Variants in ZNF714 observed in about 807,000 individuals in gnomAD.
ZNF714 encodes the protein zinc finger protein 714.
Under a neutral mutation model 46.2 loss-of-function variants are expected in ZNF714, and 32 were observed. That is an observed-to-expected ratio of 0.69 (90% CI 0.52 to 0.93). The LOEUF is 0.93. Ranked by LOEUF, ZNF714 falls within the 40% of genes least tolerant of loss-of-function variation. ZNF714 has a pLI of 0.00. For synonymous variants in ZNF714, 199 were observed against 213.1 expected (o/e 0.93, Z 0.58); for missense variants, 635 against 646.3 (o/e 0.98, Z 0.19).
At chr19:21,094,129 T>C (rs2144834818) in intron 2 of ZNF714, among the ~76,000 whole-genome samples, 1 of 152,330 alleles carries the variant, frequency 6.6e-6, no homozygotes, top group South Asian at 2.1e-4. Context: ...TAGCTGGGAC[T>C]ACAGGCACAT....
Position 21,117,497 on chromosome 19 carries a change from T to C in ZNF714, c.833T>C (p.Ile278Thr). 6.2e-7 allele frequency: 1 copy of C among 1,609,376 alleles called. No homozygotes were observed. The highest frequency in any genetic ancestry group is 8.5e-7 in the Non-Finnish European group (1 of 1,177,256). The change falls in exon 5 of 5, where the codon ATT (isoleucine) becomes ACT (threonine). Residue 278 changes from isoleucine (I) to threonine (T), a missense_variant. Transcript: ENST00000456283. Reference protein sequence around the residue: ...HPSALTTHKFIHVKEKPYKCE... With the variant: ...HPSALTTHKFTHVKEKPYKCE... Reference sequence around the variant, plus strand: ...TCAGCCCTTACTACACATAAGTTCATTCATGTTAAAGAAAAACCCTACAAA... The same window carrying C: ...TCAGCCCTTACTACACATAAGTTCACTCATGTTAAAGAAAAACCCTACAAA...
intron 2 of ZNF714, among the ~76,000 whole-genome samples, chr19:21,093,357 C>T (rs779557388): frequency 1.3e-5 from 2 of 152,000 alleles, no homozygotes; most frequent in African/African-American, 2.4e-5. Flanking sequence ...CTCAGCCTCC[C>T]GAGTAGCTGG....
chr19:21,110,560 CAATT>C (rs1422315773), intron 4 of ZNF714, among the ~76,000 whole-genome samples: 1 of 151,978 alleles, frequency 6.6e-6, no homozygotes, highest in Non-Finnish European at 1.5e-5. Flanking sequence ...TTCACTCTGA[CAATT>C]TATTTTGCTG....
At chr19:21,107,354 C>T (rs757055115) in intron 4 of ZNF714, among the ~76,000 whole-genome samples, 1 of 152,164 alleles carries the variant, frequency 6.6e-6, no homozygotes, top group African/African-American at 2.4e-5. Context: ...ATTCTCCTGC[C>T]TCAGCCTCCG....
intron 4 of ZNF714, among the ~76,000 whole-genome samples, chr19:21,103,598 A>T (rs1969239757): frequency 6.6e-6 from 1 of 152,120 alleles, no homozygotes; most frequent in African/African-American, 2.4e-5. Flanking sequence ...AAAATTTAGC[A>T]TCTTAAGTCT....
intron 4 of ZNF714, among the ~76,000 whole-genome samples, chr19:21,111,514 A>G (rs1969448551): frequency 6.6e-6 from 1 of 152,094 alleles, no homozygotes. Context: ...CTGTCTGCAA[A>G]CATGTCGTCT....
chr19:21,092,017 A>G (rs1403979758), intron 2 of ZNF714, among the ~76,000 whole-genome samples: 2 of 152,180 alleles, frequency 1.3e-5, no homozygotes, highest in Non-Finnish European at 2.9e-5. Flanking sequence ...AGCTAACTCT[A>G]CAGATTTGGT....
At chr19:21,110,946 T>A (rs1039027779) in intron 4 of ZNF714, among the ~76,000 whole-genome samples, 3 of 152,208 alleles carry the variant, frequency 2.0e-5, no homozygotes, top group Non-Finnish European at 4.4e-5. Context: ...CATTGGTCTA[T>A]GTGTCTGTTT....
intron 4 of ZNF714, among the ~76,000 whole-genome samples, chr19:21,105,478 G>T (rs548254753): frequency 1.4e-4 from 22 of 151,726 alleles, no homozygotes; most frequent in African/African-American, 5.1e-4. Context: ...TTTTTAATGT[G>T]CAGAAATTCT....
At position 21,123,499 on chromosome 19, in the gene ZNF714, C is replaced by T. The variant is rs1379602289; in HGVS notation, c.*5167C>T. On this transcript the variant is annotated 3_prime_UTR_variant, in exon 5 of 5. Transcript: ENST00000456283. ...CCTCCCGAGTAGCTGGGACTACAGG[C>T]GCCCGCTACCGCACCCGTCTAATTT... Among the ~76,000 whole-genome samples, 1 of 152,022 alleles carries T rather than the reference C, an allele frequency of 6.6e-6. No individual in the cohort carries two copies. Among genetic ancestry groups the T allele is most frequent in the East Asian group, 1.9e-4 (1 of 5,154 alleles).
At position 21,123,513 on chromosome 19, in the gene ZNF714, C is replaced by A. The variant is rs938694173; in HGVS notation, c.*5181C>A. 6.6e-6 allele frequency among the ~76,000 whole-genome samples: 1 copy of A among 151,982 alleles called. No individual in the cohort carries two copies. Among genetic ancestry groups the A allele is most frequent in the African/African-American group, 2.4e-5 (1 of 41,350 alleles). Reference sequence around the variant, plus strand: ...GGGACTACAGGCGCCCGCTACCGCACCCGTCTAATTTTTTTGTATTTTTAG... The same window carrying A: ...GGGACTACAGGCGCCCGCTACCGCAACCGTCTAATTTTTTTGTATTTTTAG... On this transcript the variant is annotated 3_prime_UTR_variant, in exon 5 of 5. Coordinates refer to ENST00000456283, the MANE Select transcript of ZNF714 (RefSeq NM_182515.4).
At chr19:21,115,455 A>T (rs1251198250) in intron 4 of ZNF714, among the ~76,000 whole-genome samples, 1 of 152,012 alleles carries the variant, frequency 6.6e-6, no homozygotes, top group African/African-American at 2.4e-5. Context: ...TGTTTAGGGC[A>T]TATGAAGTGC....
At position 21,098,220 on chromosome 19, in the gene ZNF714, C is replaced by T; in HGVS notation, c.-49C>T. 1 of 1,612,294 alleles carries T rather than the reference C, an allele frequency of 6.2e-7. No individual in the cohort carries two copies. The highest frequency in any genetic ancestry group is 8.5e-7 in the Non-Finnish European group (1 of 1,179,638). On this transcript the variant is annotated 5_prime_UTR_variant, in exon 3 of 5. Transcript: ENST00000456283. Reference sequence around the variant, plus strand: ...CATTTAGGGATGTGGCCATAGAATTCTCTCTGGAGGAGTGGGAATGCCTGA... The same window carrying T: ...CATTTAGGGATGTGGCCATAGAATTTTCTCTGGAGGAGTGGGAATGCCTGA...
At chr19:21,104,738 G>A (rs868199448) in intron 4 of ZNF714, among the ~76,000 whole-genome samples, 21 of 150,984 alleles carry the variant, frequency 1.4e-4, no homozygotes, top group Middle Eastern at 3.5e-3. Context: ...TCAGCCTCCC[G>A]AGTAGCTGAG....
intron 4 of ZNF714, among the ~76,000 whole-genome samples, chr19:21,099,449 G>C (rs1969121080): frequency 1.3e-5 from 1 of 74,354 alleles, no homozygotes; most frequent in Non-Finnish European, 4.5e-5. Flanking sequence ...CAAAGTGCTG[G>C]GATTACAAGT....
chr19:21,103,300 T>A (rs1969231410), intron 4 of ZNF714, among the ~76,000 whole-genome samples: 1 of 152,086 alleles, frequency 6.6e-6, no homozygotes, highest in African/African-American at 2.4e-5. Flanking sequence ...ACGCCTGTAA[T>A]CCCAGCACTT....
intron 4 of ZNF714, among the ~76,000 whole-genome samples, chr19:21,112,127 C>A (rs973626249): frequency 2.6e-5 from 4 of 151,888 alleles, no homozygotes; most frequent in Non-Finnish European, 5.9e-5. Flanking sequence ...AGGAGAGGCC[C>A]CTCCTTTTCT....
chr19:21,100,273 C>A (rs1680839243), intron 4 of ZNF714, among the ~76,000 whole-genome samples: 1 of 151,948 alleles, frequency 6.6e-6, no homozygotes, highest in African/African-American at 2.4e-5. Flanking sequence ...CCTGTAATCC[C>A]AGCTCTTTGG....
rs533919516 is a variant in ZNF714, at chr19:21,108,379, A to G, written c.143-8428A>G. ...GGTCTGTGGTATGGTTTGGATGTCT[A>G]TGTCCTGCAAACCTCATGCTGCAGT... On this transcript the variant is annotated intron_variant, in intron 4 of 4. Coordinates refer to ENST00000456283, the MANE Select transcript of ZNF714 (RefSeq NM_182515.4). Among the ~76,000 whole-genome samples the G allele has an allele frequency of 4.6e-5, 7 of 152,280 alleles. No homozygotes were observed. In the South Asian group the frequency reaches 8.3e-4, roughly 18 times the overall value.
Sources: gnomAD v4.1 joint callset for allele counts (sites outside exome capture counted in the v4.1 genomes callset) on GRCh38, gnomAD v4.1.1 for gene constraint, MANE v1.5 for transcripts, NCBI Gene and HGNC (gene_info 2026-07-23, HGNC 2026-07-21) for gene names.